The following NKAIN2 variants were observed in gnomAD, a reference collection of about 807,000 sequenced individuals.
The protein encoded by NKAIN2 is sodium/potassium transporting ATPase interacting 2, also known as sodium/potassium-transporting ATPase subunit beta-1-interacting protein 2.
A neutral mutation model predicts 32.6 loss-of-function variants in NKAIN2; 14 were observed. That is an observed-to-expected ratio of 0.43 (90% CI 0.28 to 0.67). The LOEUF (loss-of-function observed/expected upper bound fraction) is 0.67. Ranked by LOEUF, NKAIN2 falls within the 30% of genes least tolerant of loss-of-function variation. The pLI is 0.17. For missense variants in NKAIN2, 198 were observed against 258.3 expected, an observed-to-expected ratio of 0.77 and a Z score of 1.60; for synonymous variants, 80 against 87.2, an observed-to-expected ratio of 0.92 and a Z score of 0.46.
intron 1 of NKAIN2, among the ~76,000 whole-genome samples, chr6:124,181,637 T>G (rs901221392): frequency 1.3e-5 from 2 of 152,190 alleles, no homozygotes; most frequent in African/African-American, 2.4e-5. Flanking sequence ...CTAAATCATC[T>G]TTCTCAAGTT....
At chr6:124,438,461 G>A (rs560035640) in intron 3 of NKAIN2, among the ~76,000 whole-genome samples, 1 of 152,196 alleles carries the variant, frequency 6.6e-6, no homozygotes, top group South Asian at 2.1e-4. Flanking sequence ...CTTAAACTCA[G>A]TTTTTTCTGT....
At chr6:124,091,228 C>A (rs537170486) in intron 1 of NKAIN2, among the ~76,000 whole-genome samples, 22 of 151,956 alleles carry the variant, frequency 1.4e-4, no homozygotes, top group African/African-American at 4.8e-4. Context: ...AAGCTATATA[C>A]CACCAGACCA....
At chr6:124,198,982 C>G (rs1332487520) in intron 1 of NKAIN2, among the ~76,000 whole-genome samples, 1 of 152,044 alleles carries the variant, frequency 6.6e-6, no homozygotes, top group Non-Finnish European at 1.5e-5. Flanking sequence ...GGGTGGAAAT[C>G]CTCTTCTTTA....
chr6:124,765,131 AATATTTGG>A (rs1329576739), intron 4 of NKAIN2, among the ~76,000 whole-genome samples: 1 of 152,194 alleles, frequency 6.6e-6, no homozygotes, highest in Non-Finnish European at 1.5e-5. Flanking sequence ...TATTTTCTTA[AATATTTGG>A]ATATTTGGAT....
At chr6:123,996,140 C>G (rs1413862410) in intron 1 of NKAIN2, among the ~76,000 whole-genome samples, 1 of 152,048 alleles carries the variant, frequency 6.6e-6, no homozygotes, top group East Asian at 1.9e-4. Context: ...TATAAAGATG[C>G]TTTTTATTAA....
At chr6:124,447,211 G>C (rs545314225) in intron 3 of NKAIN2, among the ~76,000 whole-genome samples, 54 of 152,096 alleles carry the variant, frequency 3.6e-4, no homozygotes, top group Admixed American at 1.4e-3. Flanking sequence ...ACTCTGCTGA[G>C]AATGCCCCCG....
chr6:124,188,481 T>C (rs1421852209), intron 1 of NKAIN2, among the ~76,000 whole-genome samples: 2 of 152,228 alleles, frequency 1.3e-5, no homozygotes, highest in African/African-American at 2.4e-5. Flanking sequence ...TGGACTTTAA[T>C]CACATTTATA....
At chr6:124,520,030 C>A (rs568912445) in intron 3 of NKAIN2, among the ~76,000 whole-genome samples, 43 of 152,206 alleles carry the variant, frequency 2.8e-4, no homozygotes, top group African/African-American at 1.0e-3. Context: ...CGAGCAAGGT[C>A]ACAGACAAGT....
intron 3 of NKAIN2, among the ~76,000 whole-genome samples, chr6:124,428,915 C>T (rs968637529): frequency 5.9e-5 from 9 of 152,162 alleles, no homozygotes; most frequent in Admixed American, 5.2e-4. Flanking sequence ...CACCCAGCCC[C>T]TTGCTTTCTT....
At chr6:124,263,958 T>C (rs916456528) in intron 1 of NKAIN2, among the ~76,000 whole-genome samples, 1 of 152,132 alleles carries the variant, frequency 6.6e-6, no homozygotes, top group Admixed American at 6.6e-5. Context: ...ATCAGATAAA[T>C]TTTCAGGAAT....
intron 1 of NKAIN2, among the ~76,000 whole-genome samples, chr6:123,972,065 C>A (rs1212348853): frequency 6.6e-6 from 1 of 152,154 alleles, no homozygotes; most frequent in Non-Finnish European, 1.5e-5. Context: ...GATTCCATTT[C>A]CACTTAATGA....
chr6:124,544,757 T>C (rs1390177681), intron 3 of NKAIN2, among the ~76,000 whole-genome samples: 1 of 152,180 alleles, frequency 6.6e-6, no homozygotes, highest in Non-Finnish European at 1.5e-5. Context: ...AAAATTGGTA[T>C]TGATAATTTG....
At chr6:123,909,682 C>G (rs888483429) in intron 1 of NKAIN2, among the ~76,000 whole-genome samples, 1 of 152,154 alleles carries the variant, frequency 6.6e-6, no homozygotes, top group Non-Finnish European at 1.5e-5. Context: ...GTCTGGCCAC[C>G]CAGACCTAAT....
chr6:124,307,025 A>G (rs1362296070), intron 2 of NKAIN2, among the ~76,000 whole-genome samples: 2 of 152,164 alleles, frequency 1.3e-5, no homozygotes, highest in African/African-American at 4.8e-5. Context: ...AATCATGCCT[A>G]TTCTTATGTT....
intron 3 of NKAIN2, among the ~76,000 whole-genome samples, chr6:124,426,067 T>C (rs1250065961): frequency 1.3e-5 from 2 of 152,216 alleles, no homozygotes; most frequent in Non-Finnish European, 2.9e-5. Flanking sequence ...CCTTTATCTT[T>C]CTCCTTAATA....
At chr6:124,578,602 G>C (rs1213062765) in intron 3 of NKAIN2, among the ~76,000 whole-genome samples, 1 of 152,126 alleles carries the variant, frequency 6.6e-6, no homozygotes, top group Non-Finnish European at 1.5e-5. Flanking sequence ...TCTGGGCCCT[G>C]CTCCTGTATG....
In NKAIN2 at chr6:123,976,358, TATATA is replaced by T. The variant is rs1778609038; in HGVS notation, c.54+172105_54+172109del. On this transcript the variant is annotated intron_variant, in intron 1 of 6. Coordinates refer to ENST00000368417, the MANE Select transcript of NKAIN2 (RefSeq NM_001040214.3). ...ATATATATATGTTCCCATATATATA[TATATA>T]TATATTCCCATATATATATATATAT... Among the ~76,000 whole-genome samples the T allele has an allele frequency of 1.7e-4, 6 of 35,228 alleles. 1 individual carries two copies. Among genetic ancestry groups the T allele is most frequent in the African/African-American group, 8.6e-4 (6 of 6,940 alleles). 23.1% of individuals were successfully genotyped at this position (35,228 alleles called of 152,430 possible).
Position 124,824,903 on chromosome 6 carries a change from A to G in NKAIN2, c.*1674A>G, listed in dbSNP as rs1412480779. On this transcript the variant is annotated 3_prime_UTR_variant, in exon 7 of 7. Coordinates refer to ENST00000368417, the MANE Select transcript of NKAIN2 (RefSeq NM_001040214.3). Reference sequence around the variant, plus strand: ...ACACACATATACATTTGAAAATGATAGAGGAACAAAGAGTTATCATTGGAA... The same window carrying G: ...ACACACATATACATTTGAAAATGATGGAGGAACAAAGAGTTATCATTGGAA... 6.6e-6 allele frequency: 1 copy of G among 152,496 alleles called. No individual in the cohort carries two copies. Among genetic ancestry groups the G allele is most frequent in the Non-Finnish European group, 1.5e-5 (1 of 68,052 alleles). The allele number at this position is 152,496 out of a possible 1,614,324, so 9.4% of individuals were successfully genotyped here.
In NKAIN2 at chr6:124,823,532, G is replaced by T. The variant is rs1339248757; in HGVS notation, c.*303G>T. On this transcript the variant is annotated 3_prime_UTR_variant, in exon 7 of 7. Transcript: ENST00000368417. ...CAGGCCTTCGGAAAGTTCAGAAGGA[G>T]ATGTGTTGATGCCCAACGGTTGCCG... 3 of 362,014 alleles carry T rather than the reference G, an allele frequency of 8.3e-6. No homozygotes were observed. Among genetic ancestry groups the T allele is most frequent in the Non-Finnish European group, 1.5e-5 (3 of 196,744 alleles). The allele number at this position is 362,014 out of a possible 1,614,324, so 22.4% of individuals were successfully genotyped here. A position where few individuals can be genotyped will look rare whatever the true frequency, so the allele number is the denominator to read the frequency against.
Sources: gnomAD v4.1 joint callset for allele counts (sites outside exome capture counted in the v4.1 genomes callset) on GRCh38, gnomAD v4.1.1 for gene constraint, MANE v1.5 for transcripts, NCBI Gene and HGNC (gene_info 2026-07-23, HGNC 2026-07-21) for gene names.